PSME4: variants seen among roughly 807,000 people sequenced by gnomAD.
PSME4 encodes the protein proteasome activator subunit 4, also known as proteasome activator complex subunit 4.
Under a neutral mutation model 253.9 loss-of-function variants are expected in PSME4, and 89 were observed. That is an observed-to-expected ratio of 0.35 (90% CI 0.30 to 0.42). PSME4 has a LOEUF of 0.42. PSME4 is among the 10% of genes least tolerant of loss of function. The probability of loss-of-function intolerance (pLI) is 1.00; values close to 1 mark genes in which losing one functional copy is unlikely to be tolerated. For missense variants in PSME4, 2,014 were observed against 2,195.2 expected, an observed-to-expected ratio of 0.92 and a Z score of 1.65; for synonymous variants, 851 against 759.2, an observed-to-expected ratio of 1.12 and a Z score of -1.99.
intron 10 of PSME4, among the ~76,000 whole-genome samples, chr2:53,930,927 T>C (rs1668800000): frequency 6.6e-6 from 1 of 152,136 alleles, no homozygotes; most frequent in South Asian, 2.1e-4. Context: ...GAATCAGAGG[T>C]ACAACAGAAA....
intron 8 of PSME4, among the ~76,000 whole-genome samples, chr2:53,933,464 C>T (rs1668953401): frequency 6.7e-6 from 1 of 150,294 alleles, no homozygotes; most frequent in South Asian, 2.1e-4. Context: ...ACTGCAGCCT[C>T]AATCTCCTAG....
chr2:53,926,891 T>C (rs1381852042), intron 12 of PSME4, among the ~76,000 whole-genome samples: 2 of 151,634 alleles, frequency 1.3e-5, no homozygotes, highest in African/African-American at 2.4e-5. Context: ...GGAGAATTGC[T>C]TGAACCAGGA....
chr2:53,969,249 T>C (rs1670905926), intron 1 of PSME4, among the ~76,000 whole-genome samples: 1 of 152,192 alleles, frequency 6.6e-6, no homozygotes, highest in Admixed American at 6.5e-5. Context: ...TTCATTATAC[T>C]CTAGTCAAGG....
intron 41 of PSME4, among the ~76,000 whole-genome samples, chr2:53,881,162 T>A (rs1679373048): frequency 6.6e-6 from 1 of 152,216 alleles, no homozygotes; most frequent in Non-Finnish European, 1.5e-5. Context: ...ATGCTGTTCA[T>A]TTAGTTAGCA....
chr2:53,925,055 C>T (rs1172168934), intron 14 of PSME4, among the ~76,000 whole-genome samples: 1 of 152,168 alleles, frequency 6.6e-6, no homozygotes, highest in African/African-American at 2.4e-5. Flanking sequence ...GTGTTTTTTC[C>T]ATTAGGCACA....
intron 19 of PSME4, 81 bp downstream of exon 19, chr2:53,920,112 C>T: frequency 8.3e-7 from 1 of 1,204,584 alleles, no homozygotes; most frequent in Non-Finnish European, 1.1e-6. Context: ...AAAATTAATA[C>T]ATGAGATATG....
In PSME4 at chr2:53,908,585, A is replaced by G; in HGVS notation, c.2630-20T>C. 6.3e-7 allele frequency: 1 copy of G among 1,575,198 alleles called. No individual in the cohort carries two copies. Among genetic ancestry groups the G allele is most frequent in the Non-Finnish European group, 8.6e-7 (1 of 1,164,418 alleles). ...TGTGGTCTATAATGGAAGAAAGAAAAGGATTTTGGTTAAAATATTTTGAAC... is the reference window on the plus strand; with the variant it reads ...TGTGGTCTATAATGGAAGAAAGAAAGGGATTTTGGTTAAAATATTTTGAAC... On this transcript the variant is annotated intron_variant, in intron 22 of 46. Coordinates refer to ENST00000404125, the MANE Select transcript of PSME4 (RefSeq NM_014614.3).
chr2:53,921,262 TG>T (rs1259255071), intron 17 of PSME4, among the ~76,000 whole-genome samples, 158 bp from the exon 18 acceptor site: 1 of 152,172 alleles, frequency 6.6e-6, no homozygotes, highest in Non-Finnish European at 1.5e-5. Context: ...AATAATTAAT[TG>T]TTTTTTGAAA....
chr2:53,901,490 T>C lies in PSME4; in HGVS notation c.3145A>G (p.Ile1049Val). 2 of 1,614,060 alleles carry C rather than the reference T, an allele frequency of 1.2e-6. No individual in the cohort carries two copies. Among genetic ancestry groups the C allele is most frequent in the Admixed American group, 1.7e-5 (1 of 60,012 alleles). ...CLANLHDWDC[I>V]VQTWPAIVSS... ...ACAATCGCTGGCCACGTCTGTACAA[T>C]ACAGTCCCAATCATGAAGGTTTGCC... The change falls in exon 28 of 47, where the codon ATT (isoleucine) becomes GTT (valine). Residue 1049 changes from isoleucine to valine, a missense_variant. By Grantham distance (29) the Ile-to-Val change is conservative. Around this residue, in one of 4 missense-constraint regions of PSME4, gnomAD observed 989 missense variants for 1,021.1 expected, o/e 0.97. Transcript: ENST00000404125.
rs112597471 is a variant in PSME4, at chr2:53,956,445, G to A, written c.243-7162C>T. ...CTCGGGGGGCTGAGGCAGGAGAATC[G>A]CTTGAACCCGGGAGGCGGAGGTTGT... On this transcript the variant is annotated intron_variant, in intron 1 of 46. Coordinates refer to ENST00000404125, the MANE Select transcript of PSME4 (RefSeq NM_014614.3). Among the ~76,000 whole-genome samples, 825 of 151,842 alleles carry A rather than the reference G, an allele frequency of 5.4e-3. 13 individuals are homozygous for A. The highest frequency in any genetic ancestry group is 0.019 in the African/African-American group (776 of 41,436).
At chr2:53,908,028 T>C (rs1328059949) in intron 24 of PSME4, 1 of 309,858 alleles carries the variant, frequency 3.2e-6, no homozygotes, top group Non-Finnish European at 5.9e-6. Flanking sequence ...ATTCCTCCTA[T>C]TTTTAAATTC....
rs564604705 is a variant in PSME4 at position 53,921,901 on chromosome 2, G to A, written c.2046+616C>T. On this transcript the variant is annotated intron_variant, in intron 17 of 46. Coordinates refer to ENST00000404125, the MANE Select transcript of PSME4 (RefSeq NM_014614.3). The stretch of plus-strand genomic sequence containing the variant: ...GAAAACTGAAGTTTGGGCCAGGCGC[G>A]GTGGCTCACACCTGTAACCCCAGCA... 1.6e-4 allele frequency among the ~76,000 whole-genome samples: 24 copies of A among 147,362 alleles called. No homozygotes were observed. The South Asian group carries it at 4.8e-3, about 29-fold the overall frequency.
chr2:53,970,656 C>T lies in PSME4; in HGVS notation c.129G>A (p.Arg43=), dbSNP rs1357896964. The T allele has an allele frequency of 5.2e-6, 8 of 1,550,318 alleles. No homozygotes were observed. In the South Asian group the frequency reaches 8.3e-5, roughly 16 times the overall value. The change falls in exon 1 of 47, where the codon CGG becomes CGA. Residue 43 remains arginine, a synonymous_variant. Transcript: ENST00000404125. ...GCTGCAAGTCGGACTCGGCGTCTAG[C>T]CGCTCCGCGTAGGGCAGCAGCTTGT... ...VYNKLLPYAE[R]LDAESDLQLA...
chr2:53,939,721 T>C (rs1669295889), intron 4 of PSME4, among the ~76,000 whole-genome samples: 1 of 152,330 alleles, frequency 6.6e-6, no homozygotes, highest in East Asian at 1.9e-4. Flanking sequence ...ATAAAGATGA[T>C]TTTATGTAAA....
In PSME4 at chr2:53,924,763, TC is replaced by T. The variant is rs572481222; in HGVS notation, c.1809+775del. Among the ~76,000 whole-genome samples, 21 of 152,272 alleles carry T rather than the reference TC, an allele frequency of 1.4e-4. No homozygotes were observed. In the East Asian group the frequency reaches 1.9e-3, roughly 14 times the overall value. On this transcript the variant is annotated intron_variant, in intron 14 of 46. Transcript: ENST00000404125. Reference sequence around the variant, plus strand: ...ACATTAGGTATCTCTCCTAATGCTATCCCCCCTGCGACAGTTGTTTCTTGTT... The same window carrying T: ...ACATTAGGTATCTCTCCTAATGCTATCCCCCTGCGACAGTTGTTTCTTGTT...
chr2:53,927,057 T>C (rs1271457282), intron 12 of PSME4, among the ~76,000 whole-genome samples: 1 of 152,108 alleles, frequency 6.6e-6, no homozygotes, highest in Admixed American at 6.5e-5. Context: ...CTTCATTAAA[T>C]GTCAATCCCT....
intron 7 of PSME4, among the ~76,000 whole-genome samples, chr2:53,935,297 G>A (rs1447500201): frequency 1.3e-5 from 2 of 152,068 alleles, no homozygotes; most frequent in Non-Finnish European, 2.9e-5. Context: ...CCAAAGGTGG[G>A]GAGAAATGAT....
chr2:53,896,608 G>A (rs1680149158), intron 32 of PSME4, among the ~76,000 whole-genome samples, 196 bp downstream of exon 32: 1 of 152,132 alleles, frequency 6.6e-6, no homozygotes, highest in Non-Finnish European at 1.5e-5. Flanking sequence ...TATGAAGGCA[G>A]AAAGAGTCAA....
At chr2:53,958,813 A>G (rs1670350619) in intron 1 of PSME4, among the ~76,000 whole-genome samples, 1 of 151,604 alleles carries the variant, frequency 6.6e-6, no homozygotes. Flanking sequence ...TACTGAATAC[A>G]TATTTAAAAA....
Sources: allele counts gnomAD v4.1 joint callset (sites outside exome capture counted in the v4.1 genomes callset), GRCh38; gene constraint gnomAD v4.1.1; regional missense constraint gnomAD v4.1.1; transcripts MANE v1.5; gene names NCBI Gene and HGNC (gene_info 2026-07-23, HGNC 2026-07-21).